The following NEURL1 variants were observed in gnomAD, a reference collection of about 807,000 sequenced individuals.
NEURL1 encodes E3 ubiquitin-protein ligase NEURL1.
NEURL1 carries 26 observed loss-of-function variants against 41.2 expected under a neutral mutation model. The observed-to-expected ratio is 0.63, with a 90% CI of 0.46 to 0.87. The LOEUF (loss-of-function observed/expected upper bound fraction) is 0.87, where lower values mean the gene tolerates loss of function less well. NEURL1 is among the 40% of genes least tolerant of loss of function. The probability of loss-of-function intolerance (pLI) is 0.00; values close to 1 mark genes in which losing one functional copy is unlikely to be tolerated. For synonymous variants in NEURL1, 400 were observed against 402.3 expected (o/e 0.99, Z 0.07); for missense variants, 761 against 871.1 (o/e 0.87, Z 1.59).
rs1411261364 is a variant in NEURL1, at chr10:103,556,401, G to A, written c.86-14471G>A. ...GGGAGTCCCTGACGCACTCCCCTAT[G>A]TACCCTGCTCCCTGCTTGGATGGGG... On this transcript the variant is annotated intron_variant, in intron 1 of 5. Transcript: ENST00000369780. The surrounding 1 kb of genome is among the most constrained non-coding windows in gnomAD (Gnocchi z 4.4). Among the ~76,000 whole-genome samples, 1 of 152,094 alleles carries A rather than the reference G, an allele frequency of 6.6e-6. No homozygotes were observed. Among genetic ancestry groups the A allele is most frequent in the African/African-American group, 2.4e-5 (1 of 41,400 alleles).
At chr10:103,554,616 A>G (rs1275554953) in intron 1 of NEURL1, among the ~76,000 whole-genome samples, 1 of 152,088 alleles carries the variant, frequency 6.6e-6, no homozygotes, top group Non-Finnish European at 1.5e-5. Context: ...CATCTGTAAG[A>G]CCATCATCAT....
rs749046760 is a variant in NEURL1, at chr10:103,494,414, C to T, written c.27C>T (p.Pro9=). Residue 9 remains proline (P), a synonymous_variant, in exon 1 of 6, where the codon CCC becomes CCT. Coordinates refer to ENST00000369780, the MANE Select transcript of NEURL1 (RefSeq NM_004210.5). MGNNFSSI[P]SLPRGNPSRA... is the part of the protein sequence containing the mutation. ...TGGGTAACAACTTCTCCAGTATCCC[C>T]TCGCTGCCCCGAGGAAACCCGAGCC... 6.3e-7 allele frequency: 1 copy of T among 1,598,514 alleles called. No homozygotes were observed. Among genetic ancestry groups the T allele is most frequent in the Non-Finnish European group, 8.5e-7 (1 of 1,173,090 alleles).
intron 3 of NEURL1, among the ~76,000 whole-genome samples, chr10:103,575,975 G>A (rs1051135609): frequency 6.6e-5 from 10 of 152,246 alleles, no homozygotes; most frequent in East Asian, 1.9e-4. Flanking sequence ...CTTGGCTGGC[G>A]GGCCAAGAGC....
Position 103,590,151 on chromosome 10 carries a change from C to A in NEURL1, c.1504C>A (p.Pro502Thr). Residue 502 changes from proline (P) to threonine (T), a missense_variant, in exon 6 of 6, where the codon CCA becomes ACA. By Grantham distance (38) the Pro-to-Thr change is conservative (BLOSUM62 -1). This residue lies in a region of NEURL1 where 443 missense variants were observed against 408.1 expected (regional missense o/e 1.09). Transcript: ENST00000369780. Reference sequence around the variant, plus strand: ...GTCCTCAGGGACAGCCCCCAATTCGCCAGTGAGCCTGCCCGAGTCGCCAGT... The same window carrying A: ...GTCCTCAGGGACAGCCCCCAATTCGACAGTGAGCCTGCCCGAGTCGCCAGT... ...SSAGGTAPNS[P>T]VSLPESPVTP... 1 of 1,614,024 alleles carries A rather than the reference C, an allele frequency of 6.2e-7. No individual in the cohort carries two copies. The highest frequency in any genetic ancestry group is 8.5e-7 in the Non-Finnish European group (1 of 1,180,046).
chr10:103,507,518 G>C (rs1399616127), intron 1 of NEURL1, among the ~76,000 whole-genome samples: 1 of 152,180 alleles, frequency 6.6e-6, no homozygotes, highest in African/African-American at 2.4e-5. Flanking sequence ...GGGTCCAGGA[G>C]AGGGAGCTGT....
chr10:103,558,671 T>C lies in NEURL1; in HGVS notation c.86-12201T>C, dbSNP rs1259993313. Among the ~76,000 whole-genome samples the C allele has an allele frequency of 2.0e-5, 3 of 152,102 alleles. No individual in the cohort carries two copies. The highest frequency in any genetic ancestry group is 4.4e-5 in the Non-Finnish European group (3 of 68,006). On this transcript the variant is annotated intron_variant, in intron 1 of 5. Transcript: ENST00000369780. This position sits in a 1 kb window ranked among gnomAD's most constrained non-coding sequence, Gnocchi z 4.2. The stretch of plus-strand genomic sequence containing the variant: ...TACACGCTTGATCTCTTCCATTCGG[T>C]AGGTTTCCAGAGCTGCTCCTGGTCT...
At chr10:103,536,519 G>A (rs1254724232) in intron 1 of NEURL1, among the ~76,000 whole-genome samples, 2 of 152,128 alleles carry the variant, frequency 1.3e-5, no homozygotes, top group Admixed American at 1.3e-4. Flanking sequence ...ACTCCAGCCT[G>A]GGTGACAAGA....
At chr10:103,513,694 C>A (rs569366587) in intron 1 of NEURL1, among the ~76,000 whole-genome samples, 2 of 151,888 alleles carry the variant, frequency 1.3e-5, no homozygotes, top group Non-Finnish European at 2.9e-5. Context: ...GAACCCAGGG[C>A]CCCTGGTCCT....
At chr10:103,520,924 C>T (rs545534879) in intron 1 of NEURL1, among the ~76,000 whole-genome samples, 6 of 152,020 alleles carry the variant, frequency 3.9e-5, no homozygotes, top group East Asian at 1.9e-4. Flanking sequence ...AGAAACTAAA[C>T]GGAAGACACA....
In NEURL1 at chr10:103,591,278, G is replaced by T. The variant is rs79220716; in HGVS notation, c.*906G>T. 0.081 allele frequency: 12,310 copies of T among 152,846 alleles called. 825 individuals are homozygous for T. The highest frequency in any genetic ancestry group is 0.28 in the East Asian group (1,467 of 5,184). The allele number at this position is 152,846 out of a possible 1,614,324, so 9.5% of individuals were successfully genotyped here. ...CTCTGACCTTTTCCCCATATCTTGT[G>T]CTGTCCAGGGCCTAGGCTGATAGTC... is the stretch of plus-strand genomic sequence containing the variant. On this transcript the variant is annotated 3_prime_UTR_variant, in exon 6 of 6. Transcript: ENST00000369780.
Position 103,589,531 on chromosome 10 carries a change from G to T in NEURL1, c.1357G>T (p.Glu453Ter). 6.2e-7 allele frequency: 1 copy of T among 1,611,710 alleles called. No homozygotes were observed. The highest frequency in any genetic ancestry group is 8.5e-7 in the Non-Finnish European group (1 of 1,178,690). Residue 453 changes from glutamate to a stop codon, truncating the protein, a stop_gained, in exon 5 of 6, where the codon GAG becomes TAG. Transcript: ENST00000369780. LOFTEE classifies it high-confidence loss of function. Reference sequence around the variant, plus strand: ...TTTCACAGGCTCCACTATCCTGGCCGAGCGGGGTATCCCATCACTCCCCTG... The same window carrying T: ...TTTCACAGGCTCCACTATCCTGGCCTAGCGGGGTATCCCATCACTCCCCTG... ...IRILGSTILAERGIPSLPCSP... is the reference protein window; with the variant it reads ...IRILGSTILA
At chr10:103,494,714 C>A (rs1165856646) in intron 1 of NEURL1, 1 of 527,120 alleles carries the variant, frequency 1.9e-6, no homozygotes, top group Admixed American at 3.8e-5. Context: ...GGAGTCCCCT[C>A]AGGCCATGGT....
intron 3 of NEURL1, among the ~76,000 whole-genome samples, chr10:103,584,083 T>C (rs2035843423): frequency 6.6e-6 from 1 of 152,090 alleles, no homozygotes; most frequent in South Asian, 2.1e-4. Flanking sequence ...TGGGGGGTGG[T>C]TGCTCCCTGG....
At chr10:103,583,271 T>G (rs901853802) in intron 3 of NEURL1, among the ~76,000 whole-genome samples, 1 of 152,188 alleles carries the variant, frequency 6.6e-6, no homozygotes, top group African/African-American at 2.4e-5. Context: ...ATGTAGTTCA[T>G]GAATGCCGAG....
At chr10:103,588,305 C>CAAAAA (rs10678308) in intron 4 of NEURL1, among the ~76,000 whole-genome samples, 1 of 115,894 alleles carries the variant, frequency 8.6e-6, no homozygotes. Context: ...GACTCCGTCT[C>CAAAAA]AAAAAAAAAA....
At chr10:103,559,846 G>GCA (rs199507586) in intron 1 of NEURL1, among the ~76,000 whole-genome samples, 7 of 143,526 alleles carry the variant, frequency 4.9e-5, no homozygotes, top group Admixed American at 1.4e-4. Flanking sequence ...ACATATGTGC[G>GCA]CACACACACA....
chr10:103,523,172 G>A (rs2034391397), intron 1 of NEURL1, among the ~76,000 whole-genome samples: 1 of 152,016 alleles, frequency 6.6e-6, no homozygotes, highest in South Asian at 2.1e-4. Flanking sequence ...AAAATATACA[G>A]AGCCAGGCTT....
chr10:103,520,381 G>C (rs958021151), intron 1 of NEURL1, among the ~76,000 whole-genome samples: 1 of 152,026 alleles, frequency 6.6e-6, no homozygotes, highest in Non-Finnish European at 1.5e-5. Flanking sequence ...AGTCAAGGGG[G>C]GTTTTTCTCT....
At chr10:103,511,235 C>G (rs912754844) in intron 1 of NEURL1, among the ~76,000 whole-genome samples, 3 of 152,096 alleles carry the variant, frequency 2.0e-5, no homozygotes, top group African/African-American at 7.3e-5. Flanking sequence ...GGGGAACTTT[C>G]TCCACCAGCC....
Sources: gnomAD v4.1 joint callset for allele counts (sites outside exome capture counted in the v4.1 genomes callset) on GRCh38, gnomAD v4.1.1 for gene constraint, gnomAD v4.1.1 regional missense constraint, Gnocchi (gnomAD v3.1) non-coding constraint, MANE v1.5 for transcripts, NCBI Gene and HGNC (gene_info 2026-07-23, HGNC 2026-07-21) for gene names.